The following PPP1R21 variants were observed in gnomAD, a reference collection of about 807,000 sequenced individuals.
PPP1R21 encodes the protein KLRAQ motif containing 1.
PPP1R21 carries 85 observed loss-of-function variants against 112.8 expected under a neutral mutation model. That is an observed-to-expected ratio of 0.75 (90% CI 0.63 to 0.90). PPP1R21 has a LOEUF of 0.90. Among genes scored for constraint, PPP1R21 ranks in the 40% least tolerant of loss-of-function variants. PPP1R21 has a pLI of 0.00. For missense variants in PPP1R21, 1,199 were observed against 901.5 expected, an observed-to-expected ratio of 1.33 and a Z score of -4.23; for synonymous variants, 381 against 322.3, an observed-to-expected ratio of 1.18 and a Z score of -1.95.
In PPP1R21 at chr2:48,471,092, A is replaced by T; in HGVS notation, c.903A>T (p.Ser301=). The change falls in exon 10 of 22, where the codon TCA becomes TCT. Residue 301 remains serine, a synonymous_variant. Coordinates refer to ENST00000294952, the MANE Select transcript of PPP1R21 (RefSeq NM_001135629.3). ...ATACTTTCCCTCCTGTTTAGTTCTC[A>T]CAATACCTTCATGAAAATGCGTCCT... ...DTISPLNQKF[S]QYLHENASYV... 6.2e-7 allele frequency: 1 copy of T among 1,605,386 alleles called. No homozygotes were observed. The highest frequency in any genetic ancestry group is 1.7e-4 in the Middle Eastern group (1 of 6,042).
At chr2:48,447,807 G>T (rs188140924) in intron 1 of PPP1R21, among the ~76,000 whole-genome samples, 33 of 152,144 alleles carry the variant, frequency 2.2e-4, no homozygotes, top group Non-Finnish European at 1.5e-5. Flanking sequence ...AAAATTAGCC[G>T]GGCGTGGTGG....
chr2:48,458,009 T>G (rs1362804900), intron 3 of PPP1R21, 117 bp from the exon 4 acceptor site: 2 of 730,900 alleles, frequency 2.7e-6, no homozygotes, highest in South Asian at 2.8e-5. Context: ...CAGGATTGTT[T>G]GAGAATGGTG....
In PPP1R21 at chr2:48,471,164, C is replaced by T. The variant is rs751226971; in HGVS notation, c.975C>T (p.Ile325=). The T allele has an allele frequency of 1.2e-6, 2 of 1,613,050 alleles. No individual in the cohort carries two copies. Among genetic ancestry groups the T allele is most frequent in the African/African-American group, 1.3e-5 (1 of 75,054 alleles). ...GAATGCTTCATTTATTTGAAAGTAT[C>T]ACTGAGGATACTGTGACTGTCTTGG... The part of the protein sequence containing the change: ...EEGMLHLFES[I]TEDTVTVLET... The change falls in exon 10 of 22, where the codon ATC becomes ATT. Residue 325 remains isoleucine (I), a synonymous_variant. Transcript: ENST00000294952.
chr2:48,475,778 C>T (rs1668726508), intron 12 of PPP1R21, among the ~76,000 whole-genome samples: 1 of 151,706 alleles, frequency 6.6e-6, no homozygotes, highest in Non-Finnish European at 1.5e-5. Flanking sequence ...GCCTGGGAGG[C>T]AGAGGATGCA....
At chr2:48,499,140 G>A (rs927443468) in intron 17 of PPP1R21, among the ~76,000 whole-genome samples, 1 of 144,260 alleles carries the variant, frequency 6.9e-6, no homozygotes, top group Non-Finnish European at 1.5e-5. Context: ...GGTGGGGGGG[G>A]ACACAAACAC....
intron 3 of PPP1R21, 113 bp downstream of exon 3, chr2:48,454,854 G>C (rs975705611): frequency 1.9e-5 from 16 of 831,392 alleles, no homozygotes; most frequent in Non-Finnish European, 2.9e-5. Context: ...TTCTTTGTTT[G>C]TTTGAGACAG....
chr2:48,443,881 G>A (rs1448764307), intron 1 of PPP1R21, among the ~76,000 whole-genome samples: 3 of 152,156 alleles, frequency 2.0e-5, no homozygotes, highest in Admixed American at 2.0e-4. Flanking sequence ...AAGGAAAAAG[G>A]TGTCCTCTTA....
At position 48,464,983 on chromosome 2, in the gene PPP1R21, A is replaced by G; in HGVS notation, c.741A>G (p.Arg247=). 1 of 1,557,854 alleles carries G rather than the reference A, an allele frequency of 6.4e-7. No individual in the cohort carries two copies. The highest frequency in any genetic ancestry group is 1.7e-4 in the Middle Eastern group (1 of 5,924). The change falls in exon 8 of 22, where the codon AGA becomes AGG. Residue 247 remains arginine (R), a synonymous_variant. Transcript: ENST00000294952. ...NALNVPLHNR[R]HQLKMRDIAG... ...TGAACGTTCCACTCCACAATAGGAG[A>G]CACCAGGTAAAGGATGAAGTACATG... is the stretch of plus-strand genomic sequence containing the variant.
intron 14 of PPP1R21, among the ~76,000 whole-genome samples, chr2:48,488,827 C>T (rs937049138): frequency 6.6e-6 from 1 of 152,010 alleles, no homozygotes; most frequent in African/African-American, 2.4e-5. Flanking sequence ...TTTGTAATTT[C>T]CATTAAGAAC....
chr2:48,473,211 A>T (rs1018811904), intron 11 of PPP1R21, among the ~76,000 whole-genome samples: 3 of 152,064 alleles, frequency 2.0e-5, no homozygotes, highest in Non-Finnish European at 4.4e-5. Flanking sequence ...ATTAGGAAAT[A>T]CTGGGAATCA....
chr2:48,470,034 G>A (rs1211923599), intron 9 of PPP1R21, among the ~76,000 whole-genome samples: 2 of 152,124 alleles, frequency 1.3e-5, no homozygotes, highest in African/African-American at 4.8e-5. Flanking sequence ...TGCAAAATGA[G>A]ATCTTACATT....
chr2:48,507,567 C>T (rs1051015099), intron 19 of PPP1R21, among the ~76,000 whole-genome samples, 182 bp downstream of exon 19: 1 of 151,982 alleles, frequency 6.6e-6, no homozygotes, highest in Non-Finnish European at 1.5e-5. Flanking sequence ...CGGGGTTTCA[C>T]CGTGTTAGCC....
intron 9 of PPP1R21, among the ~76,000 whole-genome samples, chr2:48,466,319 C>T (rs946276608): frequency 6.6e-6 from 1 of 152,014 alleles, no homozygotes; most frequent in Admixed American, 6.5e-5. Context: ...TCAAGTGATC[C>T]TCCCACCTCA....
At chr2:48,497,898 G>T (rs908933261) in intron 16 of PPP1R21, among the ~76,000 whole-genome samples, 2 of 151,952 alleles carry the variant, frequency 1.3e-5, no homozygotes, top group Non-Finnish European at 2.9e-5. Flanking sequence ...TGATCAGCCC[G>T]CCTCGGCCTC....
rs1480873763 is a variant in PPP1R21, at chr2:48,472,253, A to C, written c.1088+886A>C. On this transcript the variant is annotated intron_variant, in intron 11 of 21. Coordinates refer to ENST00000294952, the MANE Select transcript of PPP1R21 (RefSeq NM_001135629.3). ...AGACTCCATCTCAAAAAAAAAAAAA[A>C]AAAAAAAAAAAAAAATCAAAGAACA... is the stretch of plus-strand genomic sequence containing the variant. 4.7e-5 allele frequency among the ~76,000 whole-genome samples: 7 copies of C among 148,992 alleles called. No individual in the cohort carries two copies. The South Asian group carries it at 1.5e-3, about 31-fold the overall frequency.
At chr2:48,468,842 TG>T (rs1668324042) in intron 9 of PPP1R21, among the ~76,000 whole-genome samples, 1 of 151,342 alleles carries the variant, frequency 6.6e-6, no homozygotes, top group Non-Finnish European at 1.5e-5. Context: ...TGTGTGTGTG[TG>T]TGTGTGTGTG....
chr2:48,504,303 C>T (rs189825987), intron 17 of PPP1R21, among the ~76,000 whole-genome samples: 19 of 152,312 alleles, frequency 1.2e-4, no homozygotes, highest in African/African-American at 4.1e-4. Flanking sequence ...GATATACTCT[C>T]AGTGTTCAGA....
intron 17 of PPP1R21, among the ~76,000 whole-genome samples, chr2:48,503,987 C>T (rs1019802689): frequency 4.6e-5 from 7 of 150,730 alleles, no homozygotes; most frequent in African/African-American, 1.7e-4. Context: ...TGCATTTATA[C>T]AGTACCATTC....
At chr2:48,475,839 C>T (rs1449759191) in intron 12 of PPP1R21, among the ~76,000 whole-genome samples, 1 of 151,264 alleles carries the variant, frequency 6.6e-6, no homozygotes, top group East Asian at 1.9e-4. Flanking sequence ...AATAGCGAAA[C>T]TGTCTCAAAA....
Sources: allele counts gnomAD v4.1 joint callset (sites outside exome capture counted in the v4.1 genomes callset), GRCh38; gene constraint gnomAD v4.1.1; transcripts MANE v1.5; gene names NCBI Gene and HGNC (gene_info 2026-07-23, HGNC 2026-07-21).